The following ACADVL variants were observed in gnomAD, a reference collection of about 807,000 sequenced individuals.
The protein encoded by ACADVL is acyl-CoA dehydrogenase very long chain, also known as very long-chain acyl-CoA dehydrogenase, mitochondrial.
In ACADVL, 73 loss-of-function variants were observed where a neutral mutation model predicts 80.4. The ratio of observed to expected loss-of-function variants is 0.91; its 90% CI spans 0.75 to 1.10. The LOEUF is 1.10. Among genes scored for constraint, ACADVL ranks in the 50% least tolerant of loss-of-function variants. The pLI is 0.00. For synonymous variants in ACADVL, 392 were observed against 326.5 expected (o/e 1.20, Z -2.16); for missense variants, 878 against 858.9 (o/e 1.02, Z -0.28).
chr17:7,217,957 G>A (rs1439575750), upstream of ACADVL: 2 of 832,084 alleles, frequency 2.4e-6, no homozygotes, highest in African/African-American at 3.4e-5. Context: ...GGCAATCCCT[G>A]GGGGCCTAGT....
upstream of ACADVL, chr17:7,219,319 A>C: frequency 1.2e-6 from 1 of 868,804 alleles, no homozygotes; most frequent in East Asian, 1.0e-4. Flanking sequence ...TCTGGAAGGA[A>C]CAGAGGGCAA....
intron 2 of ACADVL, 25 bp from the exon 3 acceptor site, chr17:7,220,439 A>G (rs1264064849): frequency 6.2e-7 from 1 of 1,614,076 alleles, no homozygotes. Context: ...CCTTCCCTGA[A>G]CTTGCTAACC....
chr17:7,218,993 A>G (rs916636990), upstream of ACADVL: 7 of 822,616 alleles, frequency 8.5e-6, no homozygotes, highest in African/African-American at 8.4e-5. Context: ...AGGCACCAGC[A>G]CCGCCACCAT....
chr17:7,225,135 C>A lies in ACADVL; in HGVS notation c.*38C>A, dbSNP rs1357205976. 2 of 1,613,472 alleles carry A rather than the reference C, an allele frequency of 1.2e-6. No individual in the cohort carries two copies. Among genetic ancestry groups the A allele is most frequent in the African/African-American group, 2.7e-5 (2 of 74,940 alleles). On this transcript the variant is annotated 3_prime_UTR_variant, in exon 20 of 20. Coordinates refer to ENST00000356839, the MANE Select transcript of ACADVL (RefSeq NM_000018.4). ...AGGGCCTGTCCCAGTTATGTGCCTT[C>A]CCTCAAGCCAAAGCCGAAGCCCCTT...
chr17:7,219,099 G>C (rs563311842), upstream of ACADVL: 1 of 562,844 alleles, frequency 1.8e-6, no homozygotes. Flanking sequence ...CTCACAGAGG[G>C]CTCCAGCAGC....
chr17:7,224,618 A>G (rs771594343), intron 17 of ACADVL, 24 bp from the exon 18 acceptor site: 15 of 323,738 alleles, frequency 4.6e-5, no homozygotes, highest in South Asian at 4.5e-4. Flanking sequence ...CCCCACCCCC[A>G]CCCCCACCCC....
At chr17:7,218,331 G>C (rs200484268), upstream of ACADVL, 27 of 1,567,586 alleles carry the variant, frequency 1.7e-5, 1 homozygote, top group African/African-American at 3.3e-4. Context: ...GCCTCTCCAG[G>C]CACATCACCC....
Position 7,225,094 on chromosome 17 carries a change from C to G in ACADVL, c.1965C>G (p.Phe655Leu). 1.9e-6 allele frequency: 3 copies of G among 1,614,120 alleles called. No homozygotes were observed. Among genetic ancestry groups the G allele is most frequent in the Non-Finnish European group, 2.5e-6 (3 of 1,180,042 alleles). Residue 655 changes from phenylalanine (F) to leucine (L), a missense_variant, in exon 20 of 20, where the codon TTC (phenylalanine) becomes TTG (leucine). By Grantham distance (22) the Phe-to-Leu change is conservative. Coordinates refer to ENST00000356839, the MANE Select transcript of ACADVL (RefSeq NM_000018.4). ...GGVVTSNPLG[F>L] The stretch of plus-strand genomic sequence containing the variant: ...TGGTCACCAGCAACCCACTTGGCTT[C>G]TGAATACTCCCGGCCAGGGCCTGTC...
chr17:7,224,698 G>A lies in ACADVL; in HGVS notation c.1735G>A (p.Val579Met), dbSNP rs1402989027. Residue 579 changes from valine (V) to methionine (M), a missense_variant, in exon 18 of 20, where the codon GTG becomes ATG. Val to Met is a conservative substitution (Grantham distance 21). Transcript: ENST00000356839. Reference protein sequence around the residue: ...ADGAIDLYAMVVVLSRASRSL... With the variant: ...ADGAIDLYAMMVVLSRASRSL... ...CGGGGCCATCGACCTCTATGCCATG[G>A]TGGTGGTTCTCTCGAGGTGAGGAGG... 2.5e-5 allele frequency: 40 copies of A among 1,592,764 alleles called. No individual in the cohort carries two copies. Among genetic ancestry groups the A allele is most frequent in the Non-Finnish European group, 3.4e-5 (40 of 1,170,122 alleles).
At chr17:7,217,785 G>A, upstream of ACADVL, 1 of 1,535,356 alleles carries the variant, frequency 6.5e-7, no homozygotes, top group Admixed American at 2.0e-5. Context: ...TGGAGACCTG[G>A]CCAGCCACCA....
chr17:7,222,971 T>G, intron 10 of ACADVL, 106 bp downstream of exon 10: 2 of 1,483,420 alleles, frequency 1.3e-6, no homozygotes, highest in South Asian at 2.3e-5. Flanking sequence ...TAGAAACTCC[T>G]CCCCTACCAG....
rs534469222 is a variant in ACADVL, at chr17:7,224,250, T to C, written c.1532+7T>C. ...CAGGCAAACAGCTGAGGCGGTAGGC[T>C]TAGGGCCAGAGCCAGGGGAGGGCAG... On this transcript the variant is annotated splice_region_variant and intron_variant, in intron 15 of 19. Transcript: ENST00000356839. The C allele has an allele frequency of 4.5e-5, 73 of 1,613,736 alleles. 1 individual carries two copies. In the South Asian group the frequency reaches 7.6e-4, roughly 17 times the overall value.
upstream of ACADVL, chr17:7,217,153 G>A: frequency 3.9e-6 from 5 of 1,290,926 alleles, no homozygotes; most frequent in Non-Finnish European, 4.9e-6. Context: ...TCCATGTTGG[G>A]GGGCCTGGCC....
At chr17:7,221,868 T>C in intron 7 of ACADVL, 84 bp from the exon 8 acceptor site, 1 of 1,608,932 alleles carries the variant, frequency 6.2e-7, no homozygotes. Flanking sequence ...AAGGGGGAAC[T>C]GCCTGCTGGA....
intron 7 of ACADVL, 59 bp from the exon 8 acceptor site, chr17:7,221,893 G>T (rs1199049151): frequency 6.2e-7 from 1 of 1,613,304 alleles, no homozygotes; most frequent in East Asian, 2.2e-5. Context: ...TGGGGAAGTG[G>T]GCCGAGGGGA....
chr17:7,217,305 AGAAGG>A (rs1006553926), upstream of ACADVL: 4 of 478,038 alleles, frequency 8.4e-6, no homozygotes, highest in Non-Finnish European at 8.3e-6. Context: ...AGGGGGTTGG[AGAAGG>A]GAAGGGGAGG....
chr17:7,220,072 G>T, intron 1 of ACADVL, 26 bp downstream of exon 1: 1 of 1,599,254 alleles, frequency 6.3e-7, no homozygotes. Flanking sequence ...GAGGGACGGT[G>T]GGCAGCGGCC....
rs369003897 is a variant in ACADVL, at chr17:7,224,992, G to A, written c.1863G>A (p.Leu621=). The change falls in exon 20 of 20, where the codon CTG becomes CTA. Residue 621 remains leucine (L), a synonymous_variant. Transcript: ENST00000356839. The part of the protein sequence containing the change: ...AARIREGMAA[L]QSDPWQQELY... ...GGATCCGAGAGGGCATGGCCGCCCT[G>A]CAGTCTGACCCCTGGCAGCAAGAGC... The A allele has an allele frequency of 6.2e-7, 1 of 1,614,076 alleles. No individual in the cohort carries two copies. Among genetic ancestry groups the A allele is most frequent in the South Asian group, 1.1e-5 (1 of 91,090 alleles).
At chr17:7,218,634 TG>T, upstream of ACADVL, 2 of 1,560,508 alleles carry the variant, frequency 1.3e-6, no homozygotes, top group Non-Finnish European at 1.7e-6. Flanking sequence ...AGGGCTGACC[TG>T]GGAGCTAGTG....
Sources: gnomAD v4.1 joint callset for allele counts on GRCh38, gnomAD v4.1.1 for gene constraint, MANE v1.5 for transcripts, NCBI Gene and HGNC (gene_info 2026-07-23, HGNC 2026-07-21) for gene names.